Variants in ENAH observed in about 807,000 individuals in gnomAD.
ENAH encodes the protein ENAH actin regulator, also known as protein enabled homolog.
ENAH carries 23 observed loss-of-function variants against 78.7 expected under a neutral mutation model. The observed-to-expected ratio is 0.29, with a 90% CI of 0.21 to 0.41. ENAH has a LOEUF of 0.41. ENAH is among the 10% of genes least tolerant of loss of function. The pLI, the probability that ENAH is intolerant of heterozygous loss-of-function variation, is 1.00. For missense variants in ENAH, 544 were observed against 691.0 expected, an observed-to-expected ratio of 0.79 and a Z score of 2.39; for synonymous variants, 226 against 241.0, an observed-to-expected ratio of 0.94 and a Z score of 0.58.
At chr1:225,638,515 TC>T (rs1660459389) in intron 1 of ENAH, among the ~76,000 whole-genome samples, 1 of 152,194 alleles carries the variant, frequency 6.6e-6, no homozygotes, top group African/African-American at 2.4e-5. Flanking sequence ...AGGCAATGGG[TC>T]ATACCTATGC....
At chr1:225,598,806 T>C (rs1244086733) in intron 1 of ENAH, among the ~76,000 whole-genome samples, 2 of 150,334 alleles carry the variant, frequency 1.3e-5, no homozygotes, top group Admixed American at 1.3e-4. Context: ...AGAATAGAAA[T>C]GGAAAATCAC....
At chr1:225,607,509 G>A (rs535880896) in intron 1 of ENAH, among the ~76,000 whole-genome samples, 261 of 137,240 alleles carry the variant, frequency 1.9e-3, no homozygotes, top group African/African-American at 7.8e-3. Flanking sequence ...AGAGCAGGGT[G>A]GGGGGCAAAA....
At chr1:225,598,345 AAG>A (rs1276541598) in intron 1 of ENAH, among the ~76,000 whole-genome samples, 8 of 152,128 alleles carry the variant, frequency 5.3e-5, no homozygotes, top group Non-Finnish European at 1.0e-4. Flanking sequence ...AATGAAGGGA[AAG>A]AGAGTAAAGG....
intron 1 of ENAH, among the ~76,000 whole-genome samples, chr1:225,582,237 T>C (rs1304404057): frequency 6.6e-6 from 1 of 152,156 alleles, no homozygotes; most frequent in African/African-American, 2.4e-5. Flanking sequence ...TGACTGTAAG[T>C]TTCCTGAGGC....
chr1:225,643,405 A>T (rs74147622), intron 1 of ENAH, among the ~76,000 whole-genome samples: 2,092 of 152,312 alleles, frequency 0.014, 60 homozygotes, highest in African/African-American at 0.047. Context: ...AATAAAAAAA[A>T]AAACAAAACA....
chr1:225,532,723 A>AT (rs895396312), intron 3 of ENAH, among the ~76,000 whole-genome samples: 9 of 152,180 alleles, frequency 5.9e-5, no homozygotes, highest in African/African-American at 1.7e-4. Context: ...GCTTTGGAAT[A>AT]TTTTTTTAAA....
chr1:225,517,214 C>T lies in ENAH; in HGVS notation c.895G>A (p.Glu299Lys), dbSNP rs946999027. Residue 299 changes from glutamate to lysine, a missense_variant, in exon 6 of 14, where the codon GAG (glutamate) becomes AAG (lysine). By Grantham distance (56) the Glu-to-Lys change is moderately conservative (BLOSUM62 1). Transcript: ENST00000366843. ...GCCTTACCCTGTTGGGATGGAGTCTCGGCCGGCTGAGAGGCTGCCTGCAAG... is the reference window on the plus strand; with the variant it reads ...GCCTTACCCTGTTGGGATGGAGTCTTGGCCGGCTGAGAGGCTGCCTGCAAG... Reference protein sequence around the residue: ...PGLQAASQPAETPSQQGIVLG... With the variant: ...PGLQAASQPAKTPSQQGIVLG... 1 of 1,541,732 alleles carries T rather than the reference C, an allele frequency of 6.5e-7. No homozygotes were observed. The highest frequency in any genetic ancestry group is 8.8e-7 in the Non-Finnish European group (1 of 1,142,350).
At chr1:225,514,934 C>G in intron 6 of ENAH, 34 bp from the exon 7 acceptor site, 1 of 1,540,998 alleles carries the variant, frequency 6.5e-7, no homozygotes, top group Non-Finnish European at 8.9e-7. Context: ...AGACCATCAA[C>G]AATAGAGCTG....
intron 1 of ENAH, among the ~76,000 whole-genome samples, chr1:225,603,743 G>T (rs2096941555): frequency 6.6e-6 from 1 of 152,070 alleles, no homozygotes; most frequent in Non-Finnish European, 1.5e-5. Context: ...GAAAAACATT[G>T]GTATCTACCA....
intron 1 of ENAH, among the ~76,000 whole-genome samples, chr1:225,612,236 A>G (rs906112985): frequency 1.6e-4 from 24 of 152,250 alleles, no homozygotes; most frequent in African/African-American, 5.8e-4. Context: ...AAACGATGGA[A>G]TATTAGCCAT....
rs1413755467 is a variant in ENAH at position 225,494,255 on chromosome 1, C to G, written c.*3520G>C. The stretch of plus-strand genomic sequence containing the variant: ...ATTTTTGTATTTCTAATGAAGACAT[C>G]AGAATTATAAAATGGAACTCAAAAT... On this transcript the variant is annotated 3_prime_UTR_variant, in exon 14 of 14. Coordinates refer to ENST00000366843, the MANE Select transcript of ENAH (RefSeq NM_018212.6). 2 of 151,650 alleles carry G rather than the reference C, an allele frequency of 1.3e-5. No individual in the cohort carries two copies. The highest frequency in any genetic ancestry group is 2.9e-5 in the Non-Finnish European group (2 of 67,886). 9.4% of individuals were successfully genotyped at this position (151,650 alleles called of 1,614,324 possible).
chr1:225,524,378 T>C (rs1558755264), intron 4 of ENAH, among the ~76,000 whole-genome samples: 3 of 152,198 alleles, frequency 2.0e-5, no homozygotes, highest in African/African-American at 7.2e-5. Context: ...TTTAACAAAA[T>C]GAAGTAGGAA....
intron 1 of ENAH, among the ~76,000 whole-genome samples, chr1:225,594,432 TG>T (rs1433606647): frequency 6.6e-6 from 1 of 152,216 alleles, no homozygotes; most frequent in Non-Finnish European, 1.5e-5. Context: ...TAATTGTTAC[TG>T]CTCAATTGTA....
intron 1 of ENAH, among the ~76,000 whole-genome samples, chr1:225,620,580 G>A (rs1048972691): frequency 1.3e-4 from 20 of 151,942 alleles, no homozygotes; most frequent in African/African-American, 4.8e-4. Flanking sequence ...ATGCAACTTG[G>A]GATACTTGAT....
intron 1 of ENAH, among the ~76,000 whole-genome samples, chr1:225,646,355 A>G (rs770601144): frequency 1.3e-5 from 2 of 152,132 alleles, no homozygotes; most frequent in African/African-American, 2.4e-5. Context: ...TGAAATGAGG[A>G]GGAGAGAGAA....
intron 1 of ENAH, among the ~76,000 whole-genome samples, chr1:225,648,179 C>T (rs1364079282): frequency 1.3e-5 from 2 of 152,096 alleles, no homozygotes; most frequent in Admixed American, 6.6e-5. Flanking sequence ...CACTTAATTC[C>T]ATTCATCAAT....
Position 225,620,494 on chromosome 1 carries a change from C to A in ENAH, c.5+32192G>T, listed in dbSNP as rs187835531. On this transcript the variant is annotated intron_variant, in intron 1 of 13. Coordinates refer to ENST00000366843, the MANE Select transcript of ENAH (RefSeq NM_018212.6). Reference sequence around the variant, plus strand: ...TGCAGTGAGCCAAGATCGGCCACTGCACTCCAGCCTGGGTAATAAGAGCAA... The same window carrying A: ...TGCAGTGAGCCAAGATCGGCCACTGAACTCCAGCCTGGGTAATAAGAGCAA... 1.9e-3 allele frequency among the ~76,000 whole-genome samples: 291 copies of A among 152,222 alleles called. 2 individuals are homozygous for A. Among genetic ancestry groups the A allele is most frequent in the African/African-American group, 6.7e-3 (278 of 41,522 alleles).
chr1:225,581,899 T>A (rs2096820415), intron 1 of ENAH, among the ~76,000 whole-genome samples: 1 of 151,320 alleles, frequency 6.6e-6, no homozygotes, highest in African/African-American at 2.4e-5. Flanking sequence ...GGGATCTCCC[T>A]ATCTTGCCAA....
chr1:225,612,239 T>C (rs991907314), intron 1 of ENAH, among the ~76,000 whole-genome samples: 1 of 152,204 alleles, frequency 6.6e-6, no homozygotes, highest in African/African-American at 2.4e-5. Flanking sequence ...CGATGGAATA[T>C]TAGCCATAAA....
Sources: gnomAD v4.1 joint callset for allele counts (sites outside exome capture counted in the v4.1 genomes callset) on GRCh38, gnomAD v4.1.1 for gene constraint, MANE v1.5 for transcripts, NCBI Gene and HGNC (gene_info 2026-07-23, HGNC 2026-07-21) for gene names.